The following ANAPC1 variants were observed in gnomAD, a reference collection of about 807,000 sequenced individuals.
ANAPC1 encodes anaphase promoting complex subunit 1.
Under a neutral mutation model 208.0 loss-of-function variants are expected in ANAPC1, and 36 were observed. The observed-to-expected ratio is 0.17, with a 90% CI of 0.13 to 0.23. The LOEUF (loss-of-function observed/expected upper bound fraction) is 0.23. Among genes scored for constraint, ANAPC1 ranks in the 10% least tolerant of loss-of-function variants. The pLI is 1.00. For missense variants in ANAPC1, 942 were observed against 2,011.6 expected (o/e 0.47, Z 10.17); for synonymous variants, 378 against 695.2 (o/e 0.54, Z 7.18).
intron 17 of ANAPC1, among the ~76,000 whole-genome samples, chr2:111,841,926 A>C (rs1271176351): frequency 9.2e-5 from 14 of 152,334 alleles, no homozygotes. Flanking sequence ...CACCACAAAT[A>C]AACACTGTGG....
chr2:111,867,999 A>G (rs745577295), intron 7 of ANAPC1, 24 bp downstream of exon 7: 5 of 1,525,984 alleles, frequency 3.3e-6, no homozygotes, highest in African/African-American at 1.4e-5. Flanking sequence ...GAGCTTATCT[A>G]AAAGAATATA....
At chr2:111,832,305 GAAAAAAA>G (rs11431305) in intron 20 of ANAPC1, among the ~76,000 whole-genome samples, 2 of 76,822 alleles carry the variant, frequency 2.6e-5, no homozygotes, top group Admixed American at 1.5e-4. Flanking sequence ...CCTGTCTCAA[GAAAAAAA>G]AAAAAAAAAA....
chr2:111,781,757 G>A (rs1463225659), intron 43 of ANAPC1, among the ~76,000 whole-genome samples: 1 of 152,256 alleles, frequency 6.6e-6, no homozygotes, highest in Non-Finnish European at 1.5e-5. Flanking sequence ...TTCTTGTGTT[G>A]GAAACTTATC....
rs1257168691 is a variant in ANAPC1, at chr2:111,856,822, G to A, written c.1423C>T (p.Pro475Ser). 2 of 1,612,892 alleles carry A rather than the reference G, an allele frequency of 1.2e-6. No individual in the cohort carries two copies. The highest frequency in any genetic ancestry group is 1.7e-6 in the Non-Finnish European group (2 of 1,179,836). ...TCCACTGGTGCTGCATCCTTTGCTGGTATGTTGGTCACTGAACCAAAGATG... is the reference window on the plus strand; with the variant it reads ...TCCACTGGTGCTGCATCCTTTGCTGATATGTTGGTCACTGAACCAAAGATG... The part of the protein sequence containing the change: ...QLIFGSVTNI[P>S]AKDAAPVEKI... The change falls in exon 12 of 48, where the codon CCA becomes TCA. Residue 475 changes from proline (P) to serine (S), a missense_variant. Transcript: ENST00000341068.
In ANAPC1 at chr2:111,828,300, G is replaced by A. The variant is rs186613804; in HGVS notation, c.2626-2445C>T. 5.1e-3 allele frequency among the ~76,000 whole-genome samples: 770 copies of A among 152,294 alleles called. 11 individuals carry two copies. Among genetic ancestry groups the A allele is most frequent in the African/African-American group, 0.017 (700 of 41,566 alleles). On this transcript the variant is annotated intron_variant, in intron 21 of 47. Transcript: ENST00000341068. ...AATAATAATATGTGTTGGCAAGACC[G>A]TAGAGAAATTGGAACCCTTCCTCTT...
chr2:111,863,660 A>G lies in ANAPC1; in HGVS notation c.1052+15T>C. ...AACAGAAAGCTTAGAAAGAAAAACC[A>G]GGAAACCCTTATACCTTAGAGCTGC... On this transcript the variant is annotated intron_variant, in intron 9 of 47. Coordinates refer to ENST00000341068, the MANE Select transcript of ANAPC1 (RefSeq NM_022662.4). The G allele has an allele frequency of 1.9e-6, 3 of 1,604,724 alleles. No homozygotes were observed. Among genetic ancestry groups the G allele is most frequent in the Non-Finnish European group, 2.6e-6 (3 of 1,175,516 alleles).
chr2:111,782,738 T>C (rs1677352063), intron 42 of ANAPC1, among the ~76,000 whole-genome samples: 1 of 152,244 alleles, frequency 6.6e-6, no homozygotes, highest in South Asian at 2.1e-4. Flanking sequence ...GAGGAGGCAC[T>C]TTGACTATTG....
Position 111,884,125 on chromosome 2 carries a change from C to T in ANAPC1, c.-208G>A, listed in dbSNP as rs375773695. 3.9e-5 allele frequency: 6 copies of T among 152,426 alleles called. No individual in the cohort carries two copies. The highest frequency in any genetic ancestry group is 1.2e-4 in the African/African-American group (5 of 41,600). The allele number at this position is 152,426 out of a possible 1,614,324, so 9.4% of individuals were successfully genotyped here. The stretch of plus-strand genomic sequence containing the variant: ...CGGGCAACAGCAGCGGGCTCGAGTG[C>T]TAATGGCAGGAAGGCGTGCGAGACG... On this transcript the variant is annotated 5_prime_UTR_variant, in exon 1 of 48. Coordinates refer to ENST00000341068, the MANE Select transcript of ANAPC1 (RefSeq NM_022662.4).
At position 111,823,000 on chromosome 2, in the gene ANAPC1, C is replaced by CT. The variant is rs58815496; in HGVS notation, c.2813-401dup. ...TAGAGCAATAATAATTCTTTTTATT[C>CT]TTTTTTTTTTTTTTTTTTTTTTTTT... On this transcript the variant is annotated intron_variant, in intron 24 of 47. Coordinates refer to ENST00000341068, the MANE Select transcript of ANAPC1 (RefSeq NM_022662.4). 4.9e-3 allele frequency among the ~76,000 whole-genome samples: 299 copies of CT among 61,310 alleles called. 12 individuals carry two copies. The highest frequency in any genetic ancestry group is 0.014 in the Middle Eastern group (1 of 70). The allele number at this position is 61,310 out of a possible 152,430, so 40.2% of individuals were successfully genotyped here.
intron 3 of ANAPC1, among the ~76,000 whole-genome samples, chr2:111,874,068 A>G (rs1682901885): frequency 6.6e-6 from 1 of 152,180 alleles, no homozygotes; most frequent in Non-Finnish European, 1.5e-5. Flanking sequence ...TAATCTCCAG[A>G]TTAAACAACT....
intron 15 of ANAPC1, 108 bp downstream of exon 15, chr2:111,847,617 T>A: frequency 1.5e-6 from 2 of 1,322,002 alleles, no homozygotes; most frequent in South Asian, 2.3e-5. Flanking sequence ...ATAGATTTTT[T>A]TAAATCATGA....
intron 21 of ANAPC1, among the ~76,000 whole-genome samples, chr2:111,827,950 G>C (rs1342323759): frequency 6.6e-6 from 1 of 151,994 alleles, no homozygotes; most frequent in Non-Finnish European, 1.5e-5. Context: ...AAGATGAAAG[G>C]CCAGAGAGGT....
At chr2:111,842,810 A>G (rs950597953) in intron 17 of ANAPC1, among the ~76,000 whole-genome samples, 1 of 152,128 alleles carries the variant, frequency 6.6e-6, no homozygotes, top group Non-Finnish European at 1.5e-5. Flanking sequence ...GGAGATCACC[A>G]ATACTGAAGA....
chr2:111,811,623 A>AT (rs765582182), intron 28 of ANAPC1, among the ~76,000 whole-genome samples: 41 of 149,314 alleles, frequency 2.7e-4, no homozygotes, highest in Non-Finnish European at 5.8e-4. Context: ...AGTGCGAGAC[A>AT]TTGGGACTCC....
At chr2:111,881,696 T>G (rs1249544316) in intron 1 of ANAPC1, among the ~76,000 whole-genome samples, 1 of 152,256 alleles carries the variant, frequency 6.6e-6, no homozygotes, top group African/African-American at 2.4e-5. Context: ...CACTTTCCTG[T>G]ACCTGTTTAT....
intron 20 of ANAPC1, among the ~76,000 whole-genome samples, chr2:111,831,683 A>G (rs932194308): frequency 4.5e-4 from 68 of 150,370 alleles, no homozygotes; most frequent in African/African-American, 1.6e-3. Context: ...CTAAAAATAC[A>G]AAAAAAAATT....
intron 10 of ANAPC1, among the ~76,000 whole-genome samples, chr2:111,859,364 G>A (rs902118748): frequency 2.0e-5 from 3 of 151,908 alleles, no homozygotes; most frequent in Admixed American, 6.6e-5. Flanking sequence ...CCAGCTACTC[G>A]GGAGGCTGAG....
At chr2:111,833,107 G>T (rs1411982034) in intron 20 of ANAPC1, 113 bp downstream of exon 20, 8 of 1,390,632 alleles carry the variant, frequency 5.8e-6, no homozygotes, top group Non-Finnish European at 7.6e-6. Context: ...GAAAGGCACT[G>T]CCCCTGACTT....
At chr2:111,819,449 C>CT (rs1191879024) in intron 26 of ANAPC1, 28 of 229,132 alleles carry the variant, frequency 1.2e-4, no homozygotes, top group Non-Finnish European at 1.8e-4. Flanking sequence ...AAACAAGGTC[C>CT]TTGTGTTAGA....
Sources: gnomAD v4.1 joint callset for allele counts (sites outside exome capture counted in the v4.1 genomes callset) on GRCh38, gnomAD v4.1.1 for gene constraint, MANE v1.5 for transcripts, NCBI Gene and HGNC (gene_info 2026-07-23, HGNC 2026-07-21) for gene names.